KLHL13: variants seen among roughly 807,000 people sequenced by gnomAD.
The protein encoded by KLHL13 is kelch like family member 13.
Under a neutral mutation model 37.1 loss-of-function variants are expected in KLHL13, and 10 were observed. The observed-to-expected ratio is 0.27, with a 90% CI of 0.17 to 0.46. The LOEUF (loss-of-function observed/expected upper bound fraction) is 0.46, where lower values mean the gene tolerates loss of function less well. Among genes scored for constraint, KLHL13 ranks in the 20% least tolerant of loss-of-function variants. The probability of loss-of-function intolerance (pLI) is 1.00; values close to 1 mark genes in which losing one functional copy is unlikely to be tolerated. For missense variants in KLHL13, 360 were observed against 509.3 expected (o/e 0.71, Z 2.82); for synonymous variants, 163 against 181.2 (o/e 0.90, Z 0.81).
At chrX:117,898,894 T>C in exon 7 of KLHL13, 1 of 1,187,325 alleles carries the variant, frequency 8.4e-7, no homozygotes, top group African/African-American at 1.8e-5. Context: ...AGCATCTTAG[T>C]TGTAGAGATG....
chrX:117,941,058 C>T (rs769174827), intron 2 of KLHL13, among the ~76,000 whole-genome samples: 4 of 111,736 alleles, frequency 3.6e-5, no homozygotes, highest in South Asian at 3.7e-4. Flanking sequence ...TTTGCCCATT[C>T]GGTATAATAT....
intron 1 of KLHL13, among the ~76,000 whole-genome samples, chrX:118,081,186 T>C (rs1233117441): frequency 2.7e-5 from 3 of 111,777 alleles, no homozygotes; most frequent in African/African-American, 9.7e-5. Flanking sequence ...GAGTGCGATA[T>C]ACCCATGTAA....
chrX:118,099,151 T>C (rs1444151136), intron 1 of KLHL13, among the ~76,000 whole-genome samples: 5 of 111,404 alleles, frequency 4.5e-5, no homozygotes, highest in Non-Finnish European at 9.4e-5. Flanking sequence ...TAAATGCTTT[T>C]AATTTTCAGA....
intron 1 of KLHL13, among the ~76,000 whole-genome samples, chrX:117,966,803 A>G (rs1247032093): frequency 8.9e-6 from 1 of 112,027 alleles, no homozygotes; most frequent in Non-Finnish European, 1.9e-5. Flanking sequence ...AAAACAAGCA[A>G]TGGGGAAAGG....
chrX:118,049,889 C>A (rs1472388510), intron 1 of KLHL13, among the ~76,000 whole-genome samples: 1 of 111,845 alleles, frequency 8.9e-6, no homozygotes, highest in Non-Finnish European at 1.9e-5. Context: ...GTGGCTGACA[C>A]ACTCTTCTCA....
chrX:118,079,332 G>GA (rs1347201216), intron 1 of KLHL13, among the ~76,000 whole-genome samples: 4 of 109,933 alleles, frequency 3.6e-5, no homozygotes, highest in African/African-American at 1.3e-4. Flanking sequence ...AACCAAATAG[G>GA]AAAAAAAGAA....
chrX:118,007,992 G>A (rs1321065155), intron 1 of KLHL13, among the ~76,000 whole-genome samples: 1 of 111,866 alleles, frequency 8.9e-6, no homozygotes, highest in Non-Finnish European at 1.9e-5. Flanking sequence ...TCGAATGGAG[G>A]GAAGGGGTCA....
chrX:118,082,983 C>T lies in KLHL13; in HGVS notation c.-56+33525G>A, dbSNP rs185771604. On this transcript the variant is annotated intron_variant, in intron 1 of 6. Transcript: ENST00000371882. ...TGTCTGTTTTTATGCCAGTACCGTGCTGTTTTCCTTACTCAGGCAATGTGA... is the reference window on the plus strand; with the variant it reads ...TGTCTGTTTTTATGCCAGTACCGTGTTGTTTTCCTTACTCAGGCAATGTGA... Among the ~76,000 whole-genome samples, 44 of 111,844 alleles carry T rather than the reference C, an allele frequency of 3.9e-4. No homozygotes were observed. The East Asian group carries it at 7.0e-3, about 18-fold the overall frequency.
chrX:118,009,225 C>G (rs1392199647), intron 1 of KLHL13, among the ~76,000 whole-genome samples: 1 of 96,171 alleles, frequency 1.0e-5, no homozygotes, highest in Non-Finnish European at 2.1e-5. Context: ...ATGGTAGTTT[C>G]TTTTGCTGTG....
intron 1 of KLHL13, among the ~76,000 whole-genome samples, chrX:118,035,914 T>C (rs1331194315): frequency 9.9e-6 from 1 of 100,838 alleles, no homozygotes; most frequent in Non-Finnish European, 2.0e-5. Context: ...ACAAAATCAA[T>C]GTGCAAAAAT....
chrX:117,997,619 A>G (rs2053869737), intron 1 of KLHL13, among the ~76,000 whole-genome samples: 1 of 112,268 alleles, frequency 8.9e-6, no homozygotes, highest in African/African-American at 3.2e-5. Context: ...TGCAAGGCTC[A>G]TTTGTGCCAC....
chrX:118,035,258 A>C (rs9698952), intron 1 of KLHL13, among the ~76,000 whole-genome samples: 1,815 of 93,655 alleles, frequency 0.019, 47 homozygotes, highest in African/African-American at 0.041. Flanking sequence ...CAGCATCATT[A>C]TGATACCAAA....
intron 1 of KLHL13, among the ~76,000 whole-genome samples, chrX:117,985,982 G>A (rs2053721291): frequency 9.0e-6 from 1 of 111,110 alleles, no homozygotes; most frequent in African/African-American, 3.3e-5. Context: ...ATGATGTAAA[G>A]TAAATGATCA....
At chrX:118,040,899 T>G (rs889286823) in intron 1 of KLHL13, among the ~76,000 whole-genome samples, 6 of 111,567 alleles carry the variant, frequency 5.4e-5, no homozygotes, top group Non-Finnish European at 1.1e-4. Context: ...CAGGAGAGAG[T>G]GACATGACAT....
At position 117,903,179 on chromosome X, in the gene KLHL13, CGA is replaced by C. The variant is rs56692141; in HGVS notation, c.1367-1235_1367-1234del. Among the ~76,000 whole-genome samples, 556 of 91,387 alleles carry C rather than the reference CGA, an allele frequency of 6.1e-3. 2 individuals are homozygous for C. Among genetic ancestry groups the C allele is most frequent in the Admixed American group, 8.4e-3 (71 of 8,458 alleles). 79.4% of individuals were successfully genotyped at this position (91,387 alleles called of 115,157 possible). A position where few individuals can be genotyped will look rare whatever the true frequency, so the allele number is the denominator to read the frequency against. On this transcript the variant is annotated intron_variant, in intron 5 of 6. Transcript: ENST00000262820. ...ACACAGAGAGAGAGAGAGAGGAGAG[CGA>C]GAGAGAGAGAGAGAGAGAGAGAGAC...
At chrX:118,090,879 A>T (rs1257730962) in intron 1 of KLHL13, among the ~76,000 whole-genome samples, 1 of 108,821 alleles carries the variant, frequency 9.2e-6, no homozygotes, top group African/African-American at 3.3e-5. Context: ...GAACCAACCC[A>T]AATGTCCAAC....
chrX:118,006,204 A>C (rs1039280111), intron 1 of KLHL13, among the ~76,000 whole-genome samples: 3 of 111,981 alleles, frequency 2.7e-5, no homozygotes, highest in Non-Finnish European at 5.6e-5. Flanking sequence ...TTTTACATAC[A>C]AAAATGGTGG....
At chrX:117,929,566 A>G (rs1218943024) in intron 2 of KLHL13, among the ~76,000 whole-genome samples, 1 of 110,984 alleles carries the variant, frequency 9.0e-6, no homozygotes, top group Non-Finnish European at 1.9e-5. Context: ...AGACTGAAAA[A>G]GAAAAATGCT....
At chrX:118,073,107 C>A (rs771114561) in intron 1 of KLHL13, among the ~76,000 whole-genome samples, 25 of 108,152 alleles carry the variant, frequency 2.3e-4, no homozygotes, top group East Asian at 1.4e-3. Context: ...AAAAAAAAAA[C>A]CCCACAAATG....
Sources: gnomAD v4.1 joint callset for allele counts (sites outside exome capture counted in the v4.1 genomes callset) on GRCh38, gnomAD v4.1.1 for gene constraint, MANE v1.5 for transcripts, NCBI Gene and HGNC (gene_info 2026-07-23, HGNC 2026-07-21) for gene names.